Variants in CACNA2D3 observed in about 807,000 individuals in gnomAD.
The protein encoded by CACNA2D3 is voltage-dependent calcium channel subunit alpha-2/delta-3.
CACNA2D3 carries 60 observed loss-of-function variants against 160.6 expected under a neutral mutation model. That is an observed-to-expected ratio of 0.37 (90% confidence interval 0.30 to 0.46). CACNA2D3 has a LOEUF of 0.46. Ranked by LOEUF, CACNA2D3 falls within the 20% of genes least tolerant of loss-of-function variation. CACNA2D3 has a pLI of 1.00. For synonymous variants in CACNA2D3, 558 were observed against 492.9 expected (o/e 1.13, Z -1.75); for missense variants, 1,205 against 1,365.0 (o/e 0.88, Z 1.85).
chr3:54,878,549 C>T (rs1188157270), intron 18 of CACNA2D3: 1 of 152,034 alleles, frequency 6.6e-6, no homozygotes, highest in African/African-American at 2.4e-5. Context: ...AAAGGCTAAC[C>T]CCTGTCTTCC....
intron 2 of CACNA2D3, among the ~76,000 whole-genome samples, chr3:54,238,371 G>C (rs939205614): frequency 6.6e-6 from 1 of 152,194 alleles, no homozygotes; most frequent in Non-Finnish European, 1.5e-5. Flanking sequence ...CCCAGAGGTA[G>C]AGCAAATCAC....
chr3:54,834,378 G>A (rs981050204), intron 14 of CACNA2D3, among the ~76,000 whole-genome samples: 42 of 152,268 alleles, frequency 2.8e-4, no homozygotes, highest in African/African-American at 9.1e-4. Flanking sequence ...GTCAGAATAT[G>A]GGAAGACTTC....
At chr3:54,937,811 C>T (rs539474583) in intron 27 of CACNA2D3, among the ~76,000 whole-genome samples, 6 of 152,044 alleles carry the variant, frequency 3.9e-5, no homozygotes, top group South Asian at 2.1e-4. Flanking sequence ...TAGGGACTAG[C>T]AGAAGGCGGG....
At chr3:54,437,401 T>G (rs1025360329) in intron 4 of CACNA2D3, among the ~76,000 whole-genome samples, 1 of 152,222 alleles carries the variant, frequency 6.6e-6, no homozygotes, top group Admixed American at 6.5e-5. Context: ...TGGTTTTGAA[T>G]TTTTCTAAGT....
At chr3:54,222,314 T>A (rs1271328157) in intron 2 of CACNA2D3, among the ~76,000 whole-genome samples, 3 of 152,158 alleles carry the variant, frequency 2.0e-5, no homozygotes, top group African/African-American at 7.2e-5. Context: ...GCTAGTAGGC[T>A]TGAGACCCAG....
At position 54,838,595 on chromosome 3, in the gene CACNA2D3, G is replaced by A. The variant is rs772351629; in HGVS notation, c.1498G>A (p.Val500Ile). The A allele has an allele frequency of 2.5e-6, 4 of 1,613,644 alleles. No homozygotes were observed. Among genetic ancestry groups the A allele is most frequent in the Admixed American group, 3.3e-5 (2 of 60,008 alleles). The change falls in exon 16 of 38, where the codon GTT becomes ATT. Residue 500 changes from valine to isoleucine, a missense_variant. By Grantham distance (29) the Val-to-Ile change is conservative. Transcript: ENST00000474759. ...ATCGAAGGGCATTCTTCTGGGAGTG[G>A]TTGGCACAGATGTCCCAGTGAAAGA... ...TRSKGILLGV[V>I]GTDVPVKELL... is the part of the protein sequence containing the mutation.
chr3:54,290,845 T>G (rs1308616043), intron 2 of CACNA2D3, among the ~76,000 whole-genome samples: 3 of 151,312 alleles, frequency 2.0e-5, no homozygotes, highest in Non-Finnish European at 4.4e-5. Context: ...CACTCATAGG[T>G]GGCAATTGAA....
chr3:54,240,881 A>G (rs542817595), intron 2 of CACNA2D3, among the ~76,000 whole-genome samples: 82 of 152,080 alleles, frequency 5.4e-4, no homozygotes, highest in Non-Finnish European at 9.1e-4. Flanking sequence ...AGCTGGGATT[A>G]CAGGCACCTG....
rs561538311 is a variant in CACNA2D3, at chr3:54,291,870, C to T, written c.205-28572C>T. ...GAGTAAATTTCTGTTACGTGCTGAA[C>T]ACTGTGCTAAACATTTTGAAATGTA... On this transcript the variant is annotated intron_variant, in intron 2 of 37. Coordinates refer to ENST00000474759, the MANE Select transcript of CACNA2D3 (RefSeq NM_018398.3). 2.0e-5 allele frequency among the ~76,000 whole-genome samples: 3 copies of T among 152,272 alleles called. No homozygotes were observed. In the South Asian group the frequency reaches 6.2e-4, roughly 32 times the overall value.
At position 54,891,449 on chromosome 3, in the gene CACNA2D3, C is replaced by T. The variant is rs1553907575; in HGVS notation, c.2245C>T (p.Gln749Ter). ...TGTCGGGGCTGAGCAGCTCACCAAT[C>T]AGTAAGTAGGAGGGATCCTCTACAG... ...LFVGAEQLTN[Q>*]DFLKAGDKEN... is the part of the protein sequence containing the mutation. Residue 749 changes from glutamine to a stop codon, truncating the protein, a stop_gained and splice_region_variant, in exon 25 of 38, where the codon CAG becomes TAG. Transcript: ENST00000474759. LOFTEE classifies it high-confidence loss of function. 6.2e-7 allele frequency: 1 copy of T among 1,611,796 alleles called. No homozygotes were observed. The highest frequency in any genetic ancestry group is 8.5e-7 in the Non-Finnish European group (1 of 1,178,052).
At chr3:54,350,968 G>GTT (rs758501839) in intron 3 of CACNA2D3, among the ~76,000 whole-genome samples, 804 of 56,058 alleles carry the variant, frequency 0.014, 108 homozygotes, top group East Asian at 0.027. Flanking sequence ...TCTTGAGTCT[G>GTT]TTTTTTTTTT....
intron 2 of CACNA2D3, among the ~76,000 whole-genome samples, chr3:54,276,534 C>T (rs902083587): frequency 2.0e-5 from 3 of 147,808 alleles, no homozygotes; most frequent in African/African-American, 7.5e-5. Context: ...GATCACGTGG[C>T]TGCACTCCAG....
intron 25 of CACNA2D3, among the ~76,000 whole-genome samples, chr3:54,893,305 A>C (rs1187798225): frequency 1.3e-5 from 2 of 152,020 alleles, no homozygotes; most frequent in African/African-American, 4.8e-5. Flanking sequence ...TTATGGATGG[A>C]AAATTTCTTT....
chr3:54,750,433 G>A (rs1428868850), intron 11 of CACNA2D3, among the ~76,000 whole-genome samples: 1 of 152,198 alleles, frequency 6.6e-6, no homozygotes, highest in African/African-American at 2.4e-5. Flanking sequence ...GAGAAAGCAT[G>A]GGTCTGGTCT....
At chr3:54,986,434 T>G (rs1461030611) in intron 30 of CACNA2D3, among the ~76,000 whole-genome samples, 1 of 152,130 alleles carries the variant, frequency 6.6e-6, no homozygotes, top group Non-Finnish European at 1.5e-5. Flanking sequence ...ACACACGAAA[T>G]ACAAATGTCC....
intron 9 of CACNA2D3, among the ~76,000 whole-genome samples, chr3:54,601,196 A>G (rs937510546): frequency 1.3e-5 from 2 of 151,978 alleles, no homozygotes; most frequent in African/African-American, 4.8e-5. Context: ...TAAAGACAAC[A>G]TTGTTTTGTT....
chr3:54,708,825 T>TG (rs1700900884), intron 11 of CACNA2D3, among the ~76,000 whole-genome samples: 1 of 152,204 alleles, frequency 6.6e-6, no homozygotes, highest in Non-Finnish European at 1.5e-5. Flanking sequence ...CAGACCAGTT[T>TG]GGTTTTGACT....
intron 16 of CACNA2D3, among the ~76,000 whole-genome samples, chr3:54,846,103 A>C (rs1698925976): frequency 6.6e-6 from 1 of 152,106 alleles, no homozygotes; most frequent in African/African-American, 2.4e-5. Flanking sequence ...TGTTAAAAAA[A>C]AAAGGTAATT....
intron 11 of CACNA2D3, among the ~76,000 whole-genome samples, chr3:54,749,336 C>G (rs1701814842): frequency 6.6e-6 from 1 of 152,210 alleles, no homozygotes; most frequent in African/African-American, 2.4e-5. Flanking sequence ...TCAATAAAGA[C>G]TTAGAATTTA....
Sources: allele counts gnomAD v4.1 joint callset (sites outside exome capture counted in the v4.1 genomes callset), GRCh38; gene constraint gnomAD v4.1.1; transcripts MANE v1.5; gene names NCBI Gene and HGNC (gene_info 2026-07-23, HGNC 2026-07-21).